Variants in PREP observed in about 807,000 individuals in gnomAD.
PREP encodes prolyl endopeptidase.
In PREP, 29 loss-of-function variants were observed where a neutral mutation model predicts 87.6. That is an observed-to-expected ratio of 0.33 (90% CI 0.25 to 0.45). The LOEUF is 0.45. Ranked by LOEUF, PREP falls within the 20% of genes least tolerant of loss-of-function variation. PREP has a pLI of 1.00. For missense variants in PREP, 695 were observed against 886.5 expected (o/e 0.78, Z 2.74); for synonymous variants, 337 against 328.6 (o/e 1.03, Z -0.28).
intron 10 of PREP, among the ~76,000 whole-genome samples, chr6:105,308,772 G>C (rs1207389843): frequency 6.6e-6 from 1 of 152,116 alleles, no homozygotes; most frequent in African/African-American, 2.4e-5. Context: ...TCTACTCTGT[G>C]TTCTGGACTC....
At chr6:105,309,708 G>A (rs1304451339) in intron 10 of PREP, among the ~76,000 whole-genome samples, 1 of 152,080 alleles carries the variant, frequency 6.6e-6, no homozygotes, top group Non-Finnish European at 1.5e-5. Context: ...CTGCACTGAC[G>A]CCCCCAGACA....
chr6:105,330,123 T>C (rs1583059621), intron 8 of PREP, among the ~76,000 whole-genome samples: 1 of 152,314 alleles, frequency 6.6e-6, no homozygotes, highest in Admixed American at 6.5e-5. Context: ...ATGCTGGTGG[T>C]GGCCTGATAG....
intron 7 of PREP, among the ~76,000 whole-genome samples, chr6:105,337,739 T>C (rs1771518076): frequency 6.6e-6 from 1 of 152,274 alleles, no homozygotes; most frequent in Admixed American, 6.5e-5. Flanking sequence ...AAGCAATGTA[T>C]TTGGAAAGAT....
intron 1 of PREP, 30 bp downstream of exon 1, chr6:105,402,817 A>G: frequency 6.5e-7 from 1 of 1,533,194 alleles, no homozygotes; most frequent in Non-Finnish European, 8.8e-7. Context: ...TTTGCCCGGG[A>G]GCCCTCTGGG....
At chr6:105,365,581 T>G (rs111758628) in intron 6 of PREP, among the ~76,000 whole-genome samples, 2 of 152,158 alleles carry the variant, frequency 1.3e-5, no homozygotes, top group Non-Finnish European at 2.9e-5. Context: ...CTCCTCCATG[T>G]AGCAAGATGG....
intron 10 of PREP, among the ~76,000 whole-genome samples, chr6:105,317,683 G>A (rs1770912199): frequency 1.3e-5 from 2 of 152,148 alleles, no homozygotes; most frequent in Admixed American, 1.3e-4. Flanking sequence ...GACTGTGAAG[G>A]AGGGCAGTTG....
chr6:105,354,182 T>C (rs1772031865), intron 6 of PREP, among the ~76,000 whole-genome samples: 1 of 152,224 alleles, frequency 6.6e-6, no homozygotes, highest in African/African-American at 2.4e-5. Flanking sequence ...CCACCATTAG[T>C]TGATCCATCA....
intron 7 of PREP, among the ~76,000 whole-genome samples, chr6:105,334,846 G>A (rs1771440030): frequency 6.6e-6 from 1 of 152,150 alleles, no homozygotes; most frequent in African/African-American, 2.4e-5. Flanking sequence ...GATCCTCCCT[G>A]CCTTAGCATC....
At chr6:105,348,993 G>A (rs887466221) in intron 7 of PREP, among the ~76,000 whole-genome samples, 1 of 152,124 alleles carries the variant, frequency 6.6e-6, no homozygotes, top group East Asian at 1.9e-4. Context: ...GTGGAGAATA[G>A]GACATGACTC....
Position 105,315,437 on chromosome 6 carries a change from T to C in PREP, c.1317+8228A>G, listed in dbSNP as rs534658978. On this transcript the variant is annotated intron_variant, in intron 10 of 14. Transcript: ENST00000652536. ...CCTACTGCCTTGGTCTCCTAAAGCA[T>C]TGGGATGACAGGCATGAGTCACTGT... Among the ~76,000 whole-genome samples, 10 of 152,254 alleles carry C rather than the reference T, an allele frequency of 6.6e-5. 1 individual carries two copies. Among genetic ancestry groups the C allele is most frequent in the South Asian group, 4.2e-4 (2 of 4,816 alleles).
intron 7 of PREP, among the ~76,000 whole-genome samples, chr6:105,340,298 C>T (rs1771607142): frequency 6.6e-6 from 1 of 152,140 alleles, no homozygotes; most frequent in African/African-American, 2.4e-5. Context: ...AACTAAGCTT[C>T]ATAAGTGAAG....
intron 10 of PREP, 55 bp from the exon 11 acceptor site, chr6:105,288,949 T>C: frequency 6.5e-7 from 1 of 1,529,680 alleles, no homozygotes; most frequent in Non-Finnish European, 9.0e-7. Context: ...AGATACTGCG[T>C]GCTTTTAAAT....
At chr6:105,386,143 A>G (rs1333580347) in intron 2 of PREP, among the ~76,000 whole-genome samples, 1 of 152,076 alleles carries the variant, frequency 6.6e-6, no homozygotes, top group Non-Finnish European at 1.5e-5. Flanking sequence ...AAAAACCAAC[A>G]TGACCAATGT....
intron 5 of PREP, among the ~76,000 whole-genome samples, chr6:105,369,374 A>G (rs142661437): frequency 5.9e-5 from 9 of 152,374 alleles, no homozygotes; most frequent in African/African-American, 1.2e-4. Flanking sequence ...CATTGTCAAG[A>G]TATCAGTTCT....
Position 105,277,861 on chromosome 6 carries a change from A to G in PREP, c.*283T>C. 4.3e-6 allele frequency: 2 copies of G among 464,458 alleles called. No homozygotes were observed. Among genetic ancestry groups the G allele is most frequent in the South Asian group, 6.0e-5 (2 of 33,154 alleles). 28.8% of individuals were successfully genotyped at this position (464,458 alleles called of 1,614,324 possible). A position where few individuals can be genotyped will look rare whatever the true frequency, so the allele number is the denominator to read the frequency against. On this transcript the variant is annotated 3_prime_UTR_variant, in exon 15 of 15. Coordinates refer to ENST00000652536, the MANE Select transcript of PREP (RefSeq NM_002726.5). ...CTTAATTCAGCAATCTAATATTCAC[A>G]ATGTGTTTGTTGCCATTTAGCTATT...
At chr6:105,389,817 C>G (rs568748302) in intron 2 of PREP, among the ~76,000 whole-genome samples, 7 of 152,008 alleles carry the variant, frequency 4.6e-5, no homozygotes, top group Admixed American at 4.6e-4. Context: ...AGACCGACAC[C>G]GAAATTGACA....
At chr6:105,367,610 T>G (rs1326335515) in intron 6 of PREP, among the ~76,000 whole-genome samples, 1 of 147,414 alleles carries the variant, frequency 6.8e-6, no homozygotes, top group Non-Finnish European at 1.5e-5. Context: ...AGGCAGAGCT[T>G]GCAGTGAGCC....
intron 7 of PREP, among the ~76,000 whole-genome samples, chr6:105,340,938 A>G (rs550545174): frequency 6.6e-5 from 10 of 152,300 alleles, no homozygotes; most frequent in Non-Finnish European, 1.2e-4. Flanking sequence ...CACAATAATA[A>G]TGGGAGATTT....
chr6:105,304,512 G>A (rs1156340755), intron 10 of PREP, among the ~76,000 whole-genome samples: 1 of 152,124 alleles, frequency 6.6e-6, no homozygotes, highest in Non-Finnish European at 1.5e-5. Flanking sequence ...CTGTAAAAAG[G>A]AAATCAGCCA....
Sources: gnomAD v4.1 joint callset for allele counts (sites outside exome capture counted in the v4.1 genomes callset) on GRCh38, gnomAD v4.1.1 for gene constraint, MANE v1.5 for transcripts, NCBI Gene and HGNC (gene_info 2026-07-23, HGNC 2026-07-21) for gene names.